CTIF: variants seen among roughly 807,000 people sequenced by gnomAD.
CTIF encodes CBP80/20-dependent translation initiation factor.
CTIF carries 21 observed loss-of-function variants against 66.0 expected under a neutral mutation model. That is an observed-to-expected ratio of 0.32 (90% CI 0.23 to 0.46). The LOEUF (loss-of-function observed/expected upper bound fraction) is 0.46. CTIF is among the 20% of genes least tolerant of loss of function. The pLI is 1.00. For missense variants in CTIF, 739 were observed against 812.7 expected (o/e 0.91, Z 1.10); for synonymous variants, 345 against 326.4 (o/e 1.06, Z -0.62).
intron 9 of CTIF, among the ~76,000 whole-genome samples, chr18:48,767,067 C>G (rs1380720183): frequency 6.6e-6 from 1 of 152,210 alleles, no homozygotes; most frequent in Non-Finnish European, 1.5e-5. Flanking sequence ...CATACACCTT[C>G]CCACCAAGGT....
At chr18:48,572,349 A>T (rs752936155) in intron 1 of CTIF, among the ~76,000 whole-genome samples, 1 of 152,180 alleles carries the variant, frequency 6.6e-6, no homozygotes, top group African/African-American at 2.4e-5. Context: ...TCCCCAAGTC[A>T]ATACGTAGAA....
rs565161627 is a variant in CTIF at position 48,640,116 on chromosome 18, G to A, written c.252+3431G>A. Among the ~76,000 whole-genome samples the A allele has an allele frequency of 3.9e-5, 6 of 152,172 alleles. No individual in the cohort carries two copies. The East Asian group carries it at 1.2e-3, about 29-fold the overall frequency. ...AGTGCCACTCTGATGGGATGCTGCT[G>A]TTCCCTTCATCCTTCAAGGCTCCCT... On this transcript the variant is annotated intron_variant, in intron 3 of 11. Coordinates refer to ENST00000256413, the MANE Select transcript of CTIF (RefSeq NM_014772.3).
At chr18:48,760,185 C>CTT (rs949378479) in intron 8 of CTIF, 125 of 132,884 alleles carry the variant, frequency 9.4e-4, no homozygotes, top group Non-Finnish European at 1.3e-3. Context: ...TCAGCCCTTT[C>CTT]TTTTTTTTTT....
At chr18:48,572,182 G>T (rs1297516944) in intron 1 of CTIF, among the ~76,000 whole-genome samples, 1 of 150,226 alleles carries the variant, frequency 6.7e-6, no homozygotes, top group Non-Finnish European at 1.5e-5. Context: ...GTCTTTGCTC[G>T]TGGGGCCTTC....
intron 3 of CTIF, among the ~76,000 whole-genome samples, chr18:48,656,631 C>T (rs946631599): frequency 1.3e-5 from 2 of 152,140 alleles, no homozygotes; most frequent in Non-Finnish European, 2.9e-5. Flanking sequence ...GCTCATTATC[C>T]CTCTGTGATC....
At chr18:48,577,626 G>A (rs959571615) in intron 1 of CTIF, among the ~76,000 whole-genome samples, 1 of 152,146 alleles carries the variant, frequency 6.6e-6, no homozygotes, top group Admixed American at 6.5e-5. Context: ...AGGCTGGAGT[G>A]CAGTAGTGCA....
intron 1 of CTIF, among the ~76,000 whole-genome samples, chr18:48,573,557 C>A (rs1568041278): frequency 6.6e-6 from 1 of 152,170 alleles, no homozygotes; most frequent in Admixed American, 6.6e-5. Flanking sequence ...AGTAAGCATT[C>A]TAATATTTTC....
At chr18:48,677,452 C>T (rs1240370187) in intron 6 of CTIF, among the ~76,000 whole-genome samples, 1 of 152,230 alleles carries the variant, frequency 6.6e-6, no homozygotes, top group African/African-American at 2.4e-5. Flanking sequence ...AGTGAGAATT[C>T]AACAAGGAGC....
intron 10 of CTIF, among the ~76,000 whole-genome samples, chr18:48,821,219 T>C (rs1261685130): frequency 6.6e-6 from 1 of 152,242 alleles, no homozygotes; most frequent in Non-Finnish European, 1.5e-5. Context: ...CTGTCCTTAC[T>C]GCTCCATCCT....
At chr18:48,730,606 C>A (rs1253811664) in intron 7 of CTIF, among the ~76,000 whole-genome samples, 1 of 68,484 alleles carries the variant, frequency 1.5e-5, no homozygotes, top group Admixed American at 1.5e-4. Flanking sequence ...GGGGCTTCTG[C>A]TGTGTGAGGG....
At chr18:48,549,401 A>G (rs1020632488) in intron 1 of CTIF, among the ~76,000 whole-genome samples, 1 of 152,210 alleles carries the variant, frequency 6.6e-6, no homozygotes, top group African/African-American at 2.4e-5. Context: ...AGGTAAAAGA[A>G]CAGTGTACTA....
intron 7 of CTIF, among the ~76,000 whole-genome samples, chr18:48,718,752 C>T (rs1044335054): frequency 3.3e-5 from 5 of 152,208 alleles, no homozygotes; most frequent in Middle Eastern, 3.2e-3. Context: ...CTAGCCCAGT[C>T]AGGTTGACAT....
chr18:48,595,093 G>T (rs527519117), intron 1 of CTIF, among the ~76,000 whole-genome samples: 1 of 152,368 alleles, frequency 6.6e-6, no homozygotes, highest in East Asian at 1.9e-4. Context: ...ATGAACAAAA[G>T]AATCAGCACT....
intron 1 of CTIF, among the ~76,000 whole-genome samples, chr18:48,604,609 T>C (rs1428569189): frequency 6.6e-6 from 1 of 152,216 alleles, no homozygotes; most frequent in African/African-American, 2.4e-5. Context: ...ATGGGGCCAA[T>C]CCATGTACAT....
At chr18:48,583,955 G>T (rs2089715432) in intron 1 of CTIF, among the ~76,000 whole-genome samples, 1 of 152,192 alleles carries the variant, frequency 6.6e-6, no homozygotes, top group Admixed American at 6.5e-5. Flanking sequence ...AACAGGAACG[G>T]TTTCATGATT....
At chr18:48,746,705 T>C (rs963962947) in intron 7 of CTIF, among the ~76,000 whole-genome samples, 8 of 151,538 alleles carry the variant, frequency 5.3e-5, no homozygotes, top group African/African-American at 1.9e-4. Context: ...AACAGAGACT[T>C]TGAAGGTCTG....
intron 7 of CTIF, among the ~76,000 whole-genome samples, chr18:48,723,113 C>T (rs769757595): frequency 6.6e-6 from 1 of 152,328 alleles, no homozygotes; most frequent in East Asian, 1.9e-4. Context: ...GGCTTCCAGG[C>T]GTGTGCTGCT....
chr18:48,804,575 G>A (rs760511774), intron 9 of CTIF, among the ~76,000 whole-genome samples: 27 of 152,208 alleles, frequency 1.8e-4, no homozygotes, highest in Non-Finnish European at 4.0e-4. Context: ...GAGTAACTCA[G>A]GATACAGCTA....
chr18:48,834,242 C>T (rs1323181190), intron 10 of CTIF, among the ~76,000 whole-genome samples: 3 of 152,168 alleles, frequency 2.0e-5, no homozygotes, highest in Non-Finnish European at 4.4e-5. Context: ...GTCTTCATAG[C>T]GGAAAAAGCA....
Sources: allele counts gnomAD v4.1 joint callset (sites outside exome capture counted in the v4.1 genomes callset), GRCh38; gene constraint gnomAD v4.1.1; transcripts MANE v1.5; gene names NCBI Gene and HGNC (gene_info 2026-07-23, HGNC 2026-07-21).